MROH1: variants seen among roughly 807,000 people sequenced by gnomAD.
MROH1 encodes the protein maestro heat-like repeat-containing protein family member 1.
MROH1 carries 117 observed loss-of-function variants against 116.5 expected under a neutral mutation model. The observed-to-expected ratio is 1.00, with a 90% CI of 0.86 to 1.17. MROH1 has a LOEUF of 1.17. Ranked by LOEUF, MROH1 falls within the 50% of genes most tolerant of loss-of-function variation. The pLI, the probability that MROH1 is intolerant of heterozygous loss-of-function variation, is 0.00. For synonymous variants in MROH1, 921 were observed against 583.9 expected (o/e 1.58, Z -8.32); for missense variants, 1,873 against 1,338.5 (o/e 1.40, Z -6.23).
At position 144,244,513 on chromosome 8, in the gene MROH1, C is replaced by T; in HGVS notation, c.2740C>T (p.Pro914Ser). 1.3e-6 allele frequency: 1 copy of T among 772,330 alleles called. No homozygotes were observed. Among genetic ancestry groups the T allele is most frequent in the East Asian group, 2.4e-5 (1 of 40,866 alleles). The allele number at this position is 772,330 out of a possible 1,614,324, so 47.8% of individuals were successfully genotyped here. A position where few individuals can be genotyped will look rare whatever the true frequency, so the allele number is the denominator to read the frequency against. Residue 914 changes from proline (P) to serine (S), a missense_variant, in exon 28 of 44, where the codon CCC (proline) becomes TCC (serine). Pro to Ser is a moderately conservative substitution (Grantham distance 74). Coordinates refer to ENST00000326134, the MANE Select transcript of MROH1 (RefSeq NM_032450.3). ...LTSLLQRNMT[P>S]QGLQIMIEHL... Reference sequence around the variant, plus strand: ...GAGCCTCCTGCAGCGGAACATGACCCCCCAAGGCCTGCAGATCATGATTGA... The same window carrying T: ...GAGCCTCCTGCAGCGGAACATGACCTCCCAAGGCCTGCAGATCATGATTGA...
At chr8:144,250,443 C>T (rs2133159358) in intron 33 of MROH1, 77 bp downstream of exon 33, 1 of 706,186 alleles carries the variant, frequency 1.4e-6, no homozygotes, top group Non-Finnish European at 2.6e-6. Flanking sequence ...CCGAGCCCTC[C>T]ACCCGGCTCT....
chr8:144,174,104 G>C (rs970010593), intron 4 of MROH1, among the ~76,000 whole-genome samples: 1 of 152,172 alleles, frequency 6.6e-6, no homozygotes, highest in African/African-American at 2.4e-5. Flanking sequence ...TTGTAAGTCT[G>C]CAAAAGAGGT....
chr8:144,234,497 CGTTTTTTTTTTT>C (rs1839615813), intron 14 of MROH1, among the ~76,000 whole-genome samples: 1 of 20,628 alleles, frequency 4.8e-5, no homozygotes, highest in Non-Finnish European at 1.1e-4. Flanking sequence ...CTTTCTTTTT[CGTTTTTTTTTTT>C]TTTTTTTTTT....
At chr8:144,158,899 C>G (rs1410158835) in intron 1 of MROH1, among the ~76,000 whole-genome samples, 1 of 152,178 alleles carries the variant, frequency 6.6e-6, no homozygotes, top group East Asian at 1.9e-4. Context: ...CCACCACGCC[C>G]AGCTAGTTTT....
chr8:144,149,065 G>C (rs1816108137), intron 1 of MROH1, among the ~76,000 whole-genome samples: 1 of 152,152 alleles, frequency 6.6e-6, no homozygotes, highest in South Asian at 2.1e-4. Context: ...GTTGAGTTTA[G>C]AGCTGTTGGG....
chr8:144,228,845 A>G (rs1272866774), intron 14 of MROH1, among the ~76,000 whole-genome samples: 3 of 152,216 alleles, frequency 2.0e-5, no homozygotes, highest in African/African-American at 4.8e-5. Context: ...TGTCTTATGC[A>G]CTGCTATTTG....
chr8:144,200,964 A>G (rs7015323), intron 12 of MROH1: 138,422 of 160,064 alleles, frequency 0.86, 61,995 homozygotes, highest in East Asian at 1. Flanking sequence ...TTAAGAGATG[A>G]GGAGACCAAT....
At chr8:144,183,937 G>A (rs887901691) in intron 7 of MROH1, among the ~76,000 whole-genome samples, 5 of 152,090 alleles carry the variant, frequency 3.3e-5, no homozygotes, top group African/African-American at 7.2e-5. Flanking sequence ...ATGGACCACC[G>A]CGCCTGGCCA....
chr8:144,160,319 C>T (rs917826238), intron 1 of MROH1, among the ~76,000 whole-genome samples: 1 of 152,106 alleles, frequency 6.6e-6, no homozygotes, highest in Non-Finnish European at 1.5e-5. Flanking sequence ...TGAGTCATGA[C>T]GCTTTCCACA....
At chr8:144,229,273 A>C (rs1838377265) in intron 14 of MROH1, among the ~76,000 whole-genome samples, 1 of 152,026 alleles carries the variant, frequency 6.6e-6, no homozygotes, top group Non-Finnish European at 1.5e-5. Context: ...AATGCTCTTC[A>C]TGGTATCTAC....
chr8:144,254,940 C>T lies in MROH1; in HGVS notation c.3556C>T (p.Arg1186Cys), dbSNP rs1019243196. 1.3e-4 allele frequency: 103 copies of T among 774,936 alleles called. No individual in the cohort carries two copies. The highest frequency in any genetic ancestry group is 2.8e-4 in the Middle Eastern group (1 of 3,608). The allele number at this position is 774,936 out of a possible 1,614,324, so 48.0% of individuals were successfully genotyped here. The stretch of plus-strand genomic sequence containing the variant: ...GGAGAGCCGGGCCTTCCTGCTGGGC[C>T]GCACCCCAGACCGCGTGGCCACGCT... ...FKESRAFLLG[R>C]TPDRVATLLP... The change falls in exon 34 of 44, where the codon CGC becomes TGC. Residue 1186 changes from arginine (R) to cysteine (C), a missense_variant. Arg to Cys is a radical substitution (Grantham distance 180). Transcript: ENST00000326134.
At chr8:144,172,540 T>C (rs1822754780) in intron 4 of MROH1, among the ~76,000 whole-genome samples, 2 of 151,796 alleles carry the variant, frequency 1.3e-5, no homozygotes, top group African/African-American at 4.8e-5. Flanking sequence ...GCCTCCTGAG[T>C]AGCTGGGATT....
chr8:144,189,250 G>A (rs1404842993), intron 7 of MROH1, among the ~76,000 whole-genome samples: 5 of 152,100 alleles, frequency 3.3e-5, no homozygotes, highest in South Asian at 2.1e-4. Context: ...GCCCCTCCCC[G>A]TGCGGTGGGT....
rs141602894 is a variant in MROH1, at chr8:144,212,336, C to T, written c.1142-8264C>T. 2.4e-3 allele frequency among the ~76,000 whole-genome samples: 359 copies of T among 152,110 alleles called. 2 individuals carry two copies. The highest frequency in any genetic ancestry group is 8.4e-3 in the African/African-American group (348 of 41,498). On this transcript the variant is annotated intron_variant, in intron 12 of 43. Coordinates refer to ENST00000326134, the MANE Select transcript of MROH1 (RefSeq NM_032450.3). ...CTGGGCTCAAGTGATCCACTTGCCT[C>T]GGCCTCCCAAAGTACTGGCATTACA...
chr8:144,260,604 T>C lies in MROH1; in HGVS notation c.4381-73T>C, dbSNP rs1229108746. 32 of 767,242 alleles carry C rather than the reference T, an allele frequency of 4.2e-5. 1 individual carries two copies. Among genetic ancestry groups the C allele is most frequent in the Middle Eastern group, 3.0e-4 (1 of 3,280 alleles). 47.5% of individuals were successfully genotyped at this position (767,242 alleles called of 1,614,324 possible). A position where few individuals can be genotyped will look rare whatever the true frequency, so the allele number is the denominator to read the frequency against. ...CGGGTCAGGCAAGGGCACCCATCAA[T>C]GGCAGGGGGCTAGGCAGGCAGGCCT... On this transcript the variant is annotated intron_variant, in intron 39 of 43. Transcript: ENST00000326134.
At position 144,254,523 on chromosome 8, in the gene MROH1, C is replaced by T. The variant is rs886400674; in HGVS notation, c.3429-290C>T. 10 of 358,786 alleles carry T rather than the reference C, an allele frequency of 2.8e-5. No homozygotes were observed. The Admixed American group carries it at 3.5e-4, about 13-fold the overall frequency. The allele number at this position is 358,786 out of a possible 1,614,324, so 22.2% of individuals were successfully genotyped here. ...GCTTCCTCCAGGGAAGATTTGTTCT[C>T]CCTCCCAGTAGCTCCCCAGGGACCT... On this transcript the variant is annotated intron_variant, in intron 33 of 43. Coordinates refer to ENST00000326134, the MANE Select transcript of MROH1 (RefSeq NM_032450.3).
chr8:144,196,285 G>A (rs35733985), intron 10 of MROH1, among the ~76,000 whole-genome samples: 14,202 of 116,806 alleles, frequency 0.12, 1,425 homozygotes, highest in African/African-American at 0.27. Flanking sequence ...GTGAGATTCC[G>A]TCTCCAAAAA....
rs1465609423 is a variant in MROH1 at position 144,241,317 on chromosome 8, T to C, written c.2056-78T>C. On this transcript the variant is annotated intron_variant, in intron 21 of 43. Coordinates refer to ENST00000326134, the MANE Select transcript of MROH1 (RefSeq NM_032450.3). ...ATGTGTGTACATGTGGGTGTGCCCGTGTCCACACGTGACAGTGTGCGTGCA... is the reference window on the plus strand; with the variant it reads ...ATGTGTGTACATGTGGGTGTGCCCGCGTCCACACGTGACAGTGTGCGTGCA... The C allele has an allele frequency of 7.0e-6, 5 of 714,466 alleles. No individual in the cohort carries two copies. In the Admixed American group the frequency reaches 8.0e-5, roughly 11 times the overall value. The allele number at this position is 714,466 out of a possible 1,614,324, so 44.3% of individuals were successfully genotyped here.
rs2130875661 is a variant in MROH1 at position 144,163,868 on chromosome 8, G to A, written c.22+20G>A. ...TGAAGAGTGAGTGCATGGGGATTGG[G>A]AGTGGCCGGGTGTGAGGCCTCTCTT... On this transcript the variant is annotated intron_variant, in intron 3 of 43. Transcript: ENST00000326134. The surrounding 1 kb of genome is among the most constrained non-coding windows in gnomAD (Gnocchi z 4.4). 1 of 1,613,500 alleles carries A rather than the reference G, an allele frequency of 6.2e-7. No individual in the cohort carries two copies. Among genetic ancestry groups the A allele is most frequent in the South Asian group, 1.1e-5 (1 of 91,040 alleles).
Sources: allele counts gnomAD v4.1 joint callset (sites outside exome capture counted in the v4.1 genomes callset), GRCh38; gene constraint gnomAD v4.1.1; non-coding constraint Gnocchi (gnomAD v3.1); transcripts MANE v1.5; gene names NCBI Gene and HGNC (gene_info 2026-07-23, HGNC 2026-07-21).